MAP4K4: variants seen among roughly 807,000 people sequenced by gnomAD.
MAP4K4 encodes the protein mitogen-activated protein kinase kinase kinase kinase 4, also known as HPK/GCK-like kinase HGK.
MAP4K4 carries 38 observed loss-of-function variants against 189.6 expected under a neutral mutation model. That is an observed-to-expected ratio of 0.20 (90% CI 0.15 to 0.26). The LOEUF is 0.26. Among genes scored for constraint, MAP4K4 ranks in the 10% least tolerant of loss-of-function variants. MAP4K4 has a pLI of 1.00. For synonymous variants in MAP4K4, 610 were observed against 624.3 expected (o/e 0.98, Z 0.34); for missense variants, 1,054 against 1,726.9 (o/e 0.61, Z 6.91).
At chr2:101,743,236 T>G (rs548689145) in intron 2 of MAP4K4, among the ~76,000 whole-genome samples, 2 of 152,316 alleles carry the variant, frequency 1.3e-5, no homozygotes, top group South Asian at 4.1e-4. Flanking sequence ...GACCTGAGCA[T>G]GAGCAGATAG....
At position 101,859,927 on chromosome 2, in the gene MAP4K4, C is replaced by T. The variant is rs188857479; in HGVS notation, c.1704+63C>T. 8 of 1,466,720 alleles carry T rather than the reference C, an allele frequency of 5.5e-6. No homozygotes were observed. In the East Asian group the frequency reaches 2.0e-4, roughly 36 times the overall value. The allele number at this position is 1,466,720 out of a possible 1,614,324, so 90.9% of individuals were successfully genotyped here. A position where few individuals can be genotyped will look rare whatever the true frequency, so the allele number is the denominator to read the frequency against. ...AAAGTCGTATAACGACTCTTCAGAA[C>T]TGTGTCATATGAGTTCTAGAACGGG... is the stretch of plus-strand genomic sequence containing the variant. On this transcript the variant is annotated intron_variant, in intron 15 of 32. Coordinates refer to ENST00000324219, the Ensembl canonical transcript of MAP4K4.
Position 101,883,756 on chromosome 2 carries a change from G to A in MAP4K4, c.3520+1071G>A, listed in dbSNP as rs77651853. ...TATACATCATCAGTTCCTCTGTTCC[G>A]AGGGATGTTGTCATGCTTGGCATTG... On this transcript the variant is annotated intron_variant, in intron 28 of 32. Transcript: ENST00000324219. Among the ~76,000 whole-genome samples the A allele has an allele frequency of 8.0e-3, 1,210 of 151,948 alleles. 16 individuals are homozygous for A. Among genetic ancestry groups the A allele is most frequent in the African/African-American group, 0.027 (1,130 of 41,410 alleles).
At chr2:101,802,041 A>G (rs1179704676) in intron 3 of MAP4K4, among the ~76,000 whole-genome samples, 1 of 152,204 alleles carries the variant, frequency 6.6e-6, no homozygotes, top group Non-Finnish European at 1.5e-5. Context: ...ATCTTGGTAG[A>G]TAGTGGGTGT....
rs148935656 is a variant in MAP4K4, at chr2:101,865,513, G to A, written c.2204+477G>A. On this transcript the variant is annotated intron_variant, in intron 18 of 32. Transcript: ENST00000324219. Reference sequence around the variant, plus strand: ...GCTCTGTCCAGTACGATTAGCTACAGAAGCTTCCTTATATTTAAATTAAAG... The same window carrying A: ...GCTCTGTCCAGTACGATTAGCTACAAAAGCTTCCTTATATTTAAATTAAAG... 8.5e-3 allele frequency among the ~76,000 whole-genome samples: 1,298 copies of A among 152,334 alleles called. 23 individuals are homozygous for A. The highest frequency in any genetic ancestry group is 0.029 in the African/African-American group (1,199 of 41,574).
chr2:101,810,731 T>G (rs926948845), intron 3 of MAP4K4, among the ~76,000 whole-genome samples: 5 of 152,198 alleles, frequency 3.3e-5, no homozygotes, highest in South Asian at 2.1e-4. Context: ...TTTTTAAAAG[T>G]TCTAAGACTT....
At chr2:101,765,720 T>C (rs1034959871) in intron 2 of MAP4K4, among the ~76,000 whole-genome samples, 2 of 152,244 alleles carry the variant, frequency 1.3e-5, no homozygotes, top group Non-Finnish European at 2.9e-5. Context: ...TGTCAAAATA[T>C]TAACAAGTGT....
At chr2:101,835,603 CAG>C (rs1440927737) in intron 8 of MAP4K4, among the ~76,000 whole-genome samples, 2 of 152,196 alleles carry the variant, frequency 1.3e-5, no homozygotes, top group African/African-American at 4.8e-5. Context: ...TGTAATCTAA[CAG>C]ATAGTTTAAC....
At chr2:101,818,688 G>A (rs1324572952) in intron 3 of MAP4K4, among the ~76,000 whole-genome samples, 2 of 152,130 alleles carry the variant, frequency 1.3e-5, no homozygotes, top group African/African-American at 4.8e-5. Context: ...CAAACCCATC[G>A]CTACCTGTGA....
intron 3 of MAP4K4, among the ~76,000 whole-genome samples, chr2:101,814,167 T>C (rs1291506935): frequency 6.6e-6 from 1 of 152,224 alleles, no homozygotes; most frequent in Non-Finnish European, 1.5e-5. Flanking sequence ...ATACATGCTA[T>C]CACATTTTCT....
intron 2 of MAP4K4, among the ~76,000 whole-genome samples, chr2:101,715,536 T>G (rs2047916723): frequency 6.6e-6 from 1 of 152,232 alleles, no homozygotes; most frequent in Admixed American, 6.5e-5. Context: ...GTTCAGATTT[T>G]TTTGGATTTT....
At chr2:101,865,209 G>A (rs1234504396) in intron 18 of MAP4K4, among the ~76,000 whole-genome samples, 173 bp downstream of exon 18, 2 of 152,370 alleles carry the variant, frequency 1.3e-5, no homozygotes, top group East Asian at 3.9e-4. Context: ...TCAAGTTGAT[G>A]TGTAGTAAAA....
intron 2 of MAP4K4, among the ~76,000 whole-genome samples, chr2:101,747,791 A>G (rs369367104): frequency 7.2e-5 from 11 of 152,186 alleles, no homozygotes; most frequent in East Asian, 3.9e-4. Flanking sequence ...TTTTAATACT[A>G]TGTCTAGTTT....
chr2:101,702,110 C>T (rs2039165337), intron 2 of MAP4K4, among the ~76,000 whole-genome samples: 1 of 152,178 alleles, frequency 6.6e-6, no homozygotes, highest in East Asian at 1.9e-4. Flanking sequence ...ATCTGCACGC[C>T]TTGGCCTCCC....
chr2:101,871,800 TTC>T, intron 24 of MAP4K4, 115 bp downstream of exon 24: 1 of 939,004 alleles, frequency 1.1e-6, no homozygotes, highest in Non-Finnish European at 1.6e-6. Flanking sequence ...CCACCCTGCT[TTC>T]TCTGTCACCT....
At chr2:101,892,887 AG>A (rs1275902719) in exon 33 of MAP4K4, 3 of 456,360 alleles carry the variant, frequency 6.6e-6, no homozygotes, top group African/African-American at 6.0e-5. Flanking sequence ...TCCATGTCAC[AG>A]TCCTGCCATC....
At position 101,797,223 on chromosome 2, in the gene MAP4K4, G is replaced by A. The variant is rs904530303; in HGVS notation, c.180+6447G>A. On this transcript the variant is annotated intron_variant, in intron 3 of 32. Coordinates refer to ENST00000324219, the Ensembl canonical transcript of MAP4K4. ...AAGGAGAGATCTCTGTGGCCTGTGG[G>A]ACCTATTGTTCTATTCTGTTATTCC... 15 of 1,288,510 alleles carry A rather than the reference G, an allele frequency of 1.2e-5. No homozygotes were observed. The South Asian group carries it at 1.6e-4, about 14-fold the overall frequency. The allele number at this position is 1,288,510 out of a possible 1,614,324, so 79.8% of individuals were successfully genotyped here.
chr2:101,816,184 T>A (rs2149233621), intron 3 of MAP4K4, among the ~76,000 whole-genome samples: 1 of 152,314 alleles, frequency 6.6e-6, no homozygotes, highest in Admixed American at 6.5e-5. Context: ...GCCTGAAGTC[T>A]CTTCTAAGCG....
At chr2:101,751,468 A>C (rs2068913064) in intron 2 of MAP4K4, among the ~76,000 whole-genome samples, 1 of 152,216 alleles carries the variant, frequency 6.6e-6, no homozygotes, top group Non-Finnish European at 1.5e-5. Flanking sequence ...CTCATCTGTA[A>C]AATGGGACTC....
chr2:101,731,454 G>C (rs567734256), intron 2 of MAP4K4, among the ~76,000 whole-genome samples: 266 of 152,010 alleles, frequency 1.7e-3, no homozygotes, highest in Non-Finnish European at 2.8e-3. Context: ...AAAGAGCAGA[G>C]AATGATCTTA....
Sources: gnomAD v4.1 joint callset for allele counts (sites outside exome capture counted in the v4.1 genomes callset) on GRCh38, gnomAD v4.1.1 for gene constraint, MANE v1.5 for transcripts, NCBI Gene and HGNC (gene_info 2026-07-23, HGNC 2026-07-21) for gene names.